KIF6: variants seen among roughly 807,000 people sequenced by gnomAD.
KIF6 encodes kinesin-like protein KIF6.
Under a neutral mutation model 112.7 loss-of-function variants are expected in KIF6, and 106 were observed. The ratio of observed to expected loss-of-function variants is 0.94; its 90% CI spans 0.80 to 1.11. The LOEUF (loss-of-function observed/expected upper bound fraction) is 1.11, where lower values mean the gene tolerates loss of function less well. Among genes scored for constraint, KIF6 ranks in the 50% least tolerant of loss-of-function variants. The pLI is 0.00. For synonymous variants in KIF6, 339 were observed against 339.9 expected (o/e 1.00, Z 0.03); for missense variants, 929 against 964.0 (o/e 0.96, Z 0.48).
In KIF6 at chr6:39,647,741, CTG is replaced by C. The variant is rs533027349; in HGVS notation, c.252-7986_252-7985del. ...TTTTTTTTTGAGACAGAGTCTCCCT[CTG>C]TCACCCAGGCTGGAGTGCAATGGTG... On this transcript the variant is annotated intron_variant, in intron 3 of 22. Transcript: ENST00000287152. 2.4e-3 allele frequency among the ~76,000 whole-genome samples: 356 copies of C among 148,660 alleles called. 1 individual carries two copies. Among genetic ancestry groups the C allele is most frequent in the African/African-American group, 7.8e-3 (314 of 40,206 alleles).
At chr6:39,631,292 T>C (rs1784340117) in intron 5 of KIF6, among the ~76,000 whole-genome samples, 1 of 152,024 alleles carries the variant, frequency 6.6e-6, no homozygotes, top group Non-Finnish European at 1.5e-5. Flanking sequence ...GTTTTTCTTT[T>C]ACTGAAGTGA....
chr6:39,616,507 C>G (rs1393046838), intron 5 of KIF6, among the ~76,000 whole-genome samples: 2 of 152,164 alleles, frequency 1.3e-5, no homozygotes, highest in Admixed American at 6.5e-5. Flanking sequence ...CATTTGTGGG[C>G]ACGCTATAAA....
intron 13 of KIF6, among the ~76,000 whole-genome samples, chr6:39,481,142 T>A (rs545403482): frequency 3.3e-5 from 5 of 152,248 alleles, no homozygotes; most frequent in African/African-American, 1.2e-4. Context: ...TATCTTTTTT[T>A]AAAAAATGAA....
Position 39,414,023 on chromosome 6 carries a change from T to C in KIF6, c.1810+5925A>G, listed in dbSNP as rs150490654. Among the ~76,000 whole-genome samples the C allele has an allele frequency of 2.5e-3, 376 of 152,328 alleles. 2 individuals are homozygous for C. Among genetic ancestry groups the C allele is most frequent in the African/African-American group, 8.6e-3 (358 of 41,570 alleles). On this transcript the variant is annotated intron_variant, in intron 15 of 22. Transcript: ENST00000287152. Reference sequence around the variant, plus strand: ...TTTCTCTGAACCATTTCTATTCTTGTAGGGATCTGGAATTACTGAGGAAAT... The same window carrying C: ...TTTCTCTGAACCATTTCTATTCTTGCAGGGATCTGGAATTACTGAGGAAAT...
intron 13 of KIF6, among the ~76,000 whole-genome samples, chr6:39,519,875 A>G (rs1027969980): frequency 3.3e-5 from 5 of 152,046 alleles, no homozygotes; most frequent in African/African-American, 1.2e-4. Context: ...TACAAAAATA[A>G]GCCGGGTGTG....
intron 3 of KIF6, among the ~76,000 whole-genome samples, chr6:39,692,039 T>C (rs1359938552): frequency 1.3e-5 from 2 of 152,172 alleles, no homozygotes; most frequent in African/African-American, 4.8e-5. Flanking sequence ...AAGATACTAC[T>C]CCAGATAAAA....
chr6:39,442,980 G>A lies in KIF6; in HGVS notation c.1646-11819C>T, dbSNP rs1225072224. On this transcript the variant is annotated intron_variant, in intron 13 of 22. Transcript: ENST00000287152. ...TACAAAAAAATTAGCCGGGCGTGGT[G>A]GCGGGCACCTGTAGTCCCAGCTACT... Among the ~76,000 whole-genome samples the A allele has an allele frequency of 3.3e-5, 5 of 151,944 alleles. No individual in the cohort carries two copies. In the South Asian group the frequency reaches 6.2e-4, roughly 19 times the overall value.
chr6:39,703,077 C>G (rs1433562515), intron 3 of KIF6, among the ~76,000 whole-genome samples: 1 of 37,352 alleles, frequency 2.7e-5, no homozygotes, highest in African/African-American at 5.2e-5. Context: ...ATCCACCAAC[C>G]CCCCACCCCC....
chr6:39,597,919 AC>A (rs1782361729), intron 6 of KIF6, among the ~76,000 whole-genome samples: 1 of 152,150 alleles, frequency 6.6e-6, no homozygotes, highest in Admixed American at 6.5e-5. Flanking sequence ...TAATCCCAAC[AC>A]TTTGGGAGGC....
At chr6:39,602,426 G>C (rs1393218042) in intron 6 of KIF6, among the ~76,000 whole-genome samples, 1 of 152,022 alleles carries the variant, frequency 6.6e-6, no homozygotes, top group African/African-American at 2.4e-5. Context: ...TTCCTACAAA[G>C]CCTCTCCATT....
intron 3 of KIF6, among the ~76,000 whole-genome samples, chr6:39,653,199 A>G (rs941504092): frequency 1.3e-5 from 2 of 152,182 alleles, no homozygotes; most frequent in African/African-American, 4.8e-5. Context: ...CAGATTTGCA[A>G]TACTTTCCTC....
At chr6:39,520,029 CAAAT>C (rs1349002158) in intron 13 of KIF6, among the ~76,000 whole-genome samples, 1 of 151,982 alleles carries the variant, frequency 6.6e-6, no homozygotes, top group East Asian at 1.9e-4. Flanking sequence ...CTCGAACAAA[CAAAT>C]AAACAAACTA....
Position 39,581,959 on chromosome 6 carries a change from G to A in KIF6, c.1077+2939C>T, listed in dbSNP as rs189203628. Among the ~76,000 whole-genome samples the A allele has an allele frequency of 5.3e-5, 8 of 152,258 alleles. No individual in the cohort carries two copies. In the East Asian group the frequency reaches 1.4e-3, roughly 26 times the overall value. On this transcript the variant is annotated intron_variant, in intron 9 of 22. Transcript: ENST00000287152. ...CAGAAATCCCAAAGAACATGATATT[G>A]AGTATTTTGAACATGTCACTGTTCC... is the stretch of plus-strand genomic sequence containing the variant.
chr6:39,666,485 T>C (rs1786467373), intron 3 of KIF6, among the ~76,000 whole-genome samples: 1 of 152,166 alleles, frequency 6.6e-6, no homozygotes, highest in Non-Finnish European at 1.5e-5. Context: ...TTAGCCAAAG[T>C]GAAAAAAGTG....
intron 15 of KIF6, among the ~76,000 whole-genome samples, chr6:39,386,357 G>A (rs542583910): frequency 6.6e-6 from 1 of 152,252 alleles, no homozygotes; most frequent in Admixed American, 6.5e-5. Flanking sequence ...CTGAAACCAT[G>A]CCATCTGAGA....
chr6:39,691,412 G>A (rs889725234), intron 3 of KIF6: 1 of 152,200 alleles, frequency 6.6e-6, no homozygotes. Flanking sequence ...ACTTTTGTAA[G>A]TTATATTTCT....
At chr6:39,457,016 A>G (rs1340547123) in intron 13 of KIF6, among the ~76,000 whole-genome samples, 25 of 143,398 alleles carry the variant, frequency 1.7e-4, no homozygotes, top group Non-Finnish European at 3.5e-4. Context: ...TGCACCAAGC[A>G]GACCTAATAG....
chr6:39,505,707 C>T (rs1776384269), intron 13 of KIF6, among the ~76,000 whole-genome samples: 1 of 152,146 alleles, frequency 6.6e-6, no homozygotes, highest in East Asian at 1.9e-4. Context: ...TGAACAGACA[C>T]TTCTCAAAAG....
intron 2 of KIF6, among the ~76,000 whole-genome samples, chr6:39,719,980 C>T (rs1790110587): frequency 6.6e-6 from 1 of 151,742 alleles, no homozygotes; most frequent in South Asian, 2.1e-4. Context: ...AGGACCCCAT[C>T]TTAAAAATTT....
Sources: allele counts gnomAD v4.1 joint callset (sites outside exome capture counted in the v4.1 genomes callset), GRCh38; gene constraint gnomAD v4.1.1; transcripts MANE v1.5; gene names NCBI Gene and HGNC (gene_info 2026-07-23, HGNC 2026-07-21).